Variants in OLFM2 observed in about 807,000 individuals in gnomAD.
The protein encoded by OLFM2 is olfactomedin 2.
OLFM2 carries 20 observed loss-of-function variants against 43.9 expected under a neutral mutation model. That is an observed-to-expected ratio of 0.46 (90% CI 0.32 to 0.66). The LOEUF (loss-of-function observed/expected upper bound fraction) is 0.66. Among genes scored for constraint, OLFM2 ranks in the 30% least tolerant of loss-of-function variants. The pLI, the probability that OLFM2 is intolerant of heterozygous loss-of-function variation, is 0.04. For synonymous variants in OLFM2, 268 were observed against 278.6 expected, an observed-to-expected ratio of 0.96 and a Z score of 0.38; for missense variants, 416 against 643.6, an observed-to-expected ratio of 0.65 and a Z score of 3.83.
At chr19:9,859,303 A>G (rs57789039) in intron 2 of OLFM2, among the ~76,000 whole-genome samples, 18,789 of 114,430 alleles carry the variant, frequency 0.16, 1,349 homozygotes, top group African/African-American at 0.26. Flanking sequence ...ACAATTTGTA[A>G]GTTTTATTTA....
chr19:9,891,316 A>G (rs1465013988), intron 1 of OLFM2, among the ~76,000 whole-genome samples: 24 of 34,812 alleles, frequency 6.9e-4, no homozygotes, highest in Middle Eastern at 0.018. Context: ...CCATCTCGGA[A>G]AAAAAAAAAA....
intron 1 of OLFM2, among the ~76,000 whole-genome samples, chr19:9,871,795 C>T (rs1029454378): frequency 2.0e-5 from 3 of 152,166 alleles, no homozygotes; most frequent in African/African-American, 4.8e-5. Context: ...CACAGGGGAG[C>T]GGGGAGTTTT....
chr19:9,888,214 T>A (rs1389672795), intron 1 of OLFM2, among the ~76,000 whole-genome samples: 1 of 152,000 alleles, frequency 6.6e-6, no homozygotes, highest in East Asian at 1.9e-4. Context: ...TACTGAAATG[T>A]CATTGTCTCA....
At chr19:9,858,275 C>G in intron 2 of OLFM2, 2 of 305,902 alleles carry the variant, frequency 6.5e-6, no homozygotes, top group South Asian at 5.6e-5. Flanking sequence ...CTCACAGACT[C>G]TAAGCTCCTT....
chr19:9,936,224 C>T (rs942193327), intron 1 of OLFM2, 80 bp downstream of exon 1: 54 of 1,456,848 alleles, frequency 3.7e-5, no homozygotes, highest in Non-Finnish European at 4.4e-5. Context: ...AGCCTCCCAA[C>T]CCCGTTTCTC....
rs558906590 is a variant in OLFM2 at position 9,879,697 on chromosome 19, C to T, written c.64-18903G>A. On this transcript the variant is annotated intron_variant, in intron 1 of 5. Coordinates refer to ENST00000264833, the MANE Select transcript of OLFM2 (RefSeq NM_058164.4). ...CTGGGACTCCAGGTGTGCGCCACCA[C>T]GCCTGGCTAAGTTTTTTAATTTTTA... 4.6e-5 allele frequency among the ~76,000 whole-genome samples: 7 copies of T among 152,238 alleles called. 1 individual carries two copies. The highest frequency in any genetic ancestry group is 9.6e-5 in the African/African-American group (4 of 41,548).
chr19:9,857,022 AGGG>A lies in OLFM2; in HGVS notation c.581-112_581-110del. 1 of 997,234 alleles carries A rather than the reference AGGG, an allele frequency of 1.0e-6. No homozygotes were observed. Among genetic ancestry groups the A allele is most frequent in the South Asian group, 1.5e-5 (1 of 68,958 alleles). 61.8% of individuals were successfully genotyped at this position (997,234 alleles called of 1,614,324 possible). ...GTTGGGAAAGCTGGGACCAGGGATG[AGGG>A]AAGACTCAAAAATCTGGTCCCAATA... On this transcript the variant is annotated intron_variant, in intron 4 of 5. Coordinates refer to ENST00000264833, the MANE Select transcript of OLFM2 (RefSeq NM_058164.4). The surrounding 1 kb of genome is among the most constrained non-coding windows in gnomAD (Gnocchi z 5.7).
Position 9,854,039 on chromosome 19 carries a change from TAGGC to T in OLFM2, c.*143_*146del. The T allele has an allele frequency of 3.0e-6, 2 of 664,856 alleles. No homozygotes were observed. The highest frequency in any genetic ancestry group is 5.1e-6 in the Non-Finnish European group (2 of 389,048). 41.2% of individuals were successfully genotyped at this position (664,856 alleles called of 1,614,324 possible). A position where few individuals can be genotyped will look rare whatever the true frequency, so the allele number is the denominator to read the frequency against. On this transcript the variant is annotated 3_prime_UTR_variant, in exon 6 of 6. Transcript: ENST00000264833. This position sits in a 1 kb window ranked among gnomAD's most constrained non-coding sequence, Gnocchi z 9.5. ...AATTGAAAAAATAGACAGAAATACA[TAGGC>T]AGAGAACAAAAGCCCAGCAAAAAGG...
chr19:9,858,743 T>G (rs1009301559), intron 2 of OLFM2, among the ~76,000 whole-genome samples: 2 of 152,176 alleles, frequency 1.3e-5, no homozygotes, highest in African/African-American at 4.8e-5. Flanking sequence ...CTGGCTAAGG[T>G]AGACTCCCAT....
At chr19:9,903,692 C>A (rs2046759634) in intron 1 of OLFM2, among the ~76,000 whole-genome samples, 1 of 152,132 alleles carries the variant, frequency 6.6e-6, no homozygotes, top group South Asian at 2.1e-4. Context: ...GCTAATGGAG[C>A]CAGCCTTGGC....
chr19:9,885,382 A>T (rs1225974244), intron 1 of OLFM2, among the ~76,000 whole-genome samples: 1 of 152,208 alleles, frequency 6.6e-6, no homozygotes, highest in East Asian at 1.9e-4. Flanking sequence ...GGTGTCAGAC[A>T]TCCACGCTGT....
chr19:9,898,978 G>A (rs1211635265), intron 1 of OLFM2, among the ~76,000 whole-genome samples: 7 of 152,112 alleles, frequency 4.6e-5, no homozygotes, highest in African/African-American at 1.7e-4. Flanking sequence ...ACGGCAAATC[G>A]TCCAGCAGCT....
chr19:9,906,604 A>G (rs1305840637), intron 1 of OLFM2, among the ~76,000 whole-genome samples: 1 of 152,082 alleles, frequency 6.6e-6, no homozygotes. Context: ...GGAGATGCGG[A>G]AACTCAAATA....
At chr19:9,886,542 T>C (rs9304984) in intron 1 of OLFM2, among the ~76,000 whole-genome samples, 143,207 of 151,960 alleles carry the variant, frequency 0.94, 67,952 homozygotes, top group Non-Finnish European at 1. Context: ...ATTCACACCC[T>C]GGCACCGAGT....
intron 1 of OLFM2, among the ~76,000 whole-genome samples, chr19:9,889,828 G>C (rs2046622379): frequency 6.6e-6 from 1 of 152,120 alleles, no homozygotes; most frequent in African/African-American, 2.4e-5. Context: ...GATGGGGCTG[G>C]AGCTGCAGTT....
chr19:9,854,567 G>A lies in OLFM2; in HGVS notation c.984C>T (p.Asp328=), dbSNP rs200166801. 1.7e-4 allele frequency: 269 copies of A among 1,613,804 alleles called. No homozygotes were observed. The highest frequency in any genetic ancestry group is 1.1e-4 in the Non-Finnish European group (128 of 1,180,034). ...GGFSDMDFMV[D]ESGLWAVYTT... ...TGTACACAGCCCAGAGCCCGCTCTC[G>A]TCCACCATGAAGTCCATGTCGGAGA... Residue 328 remains aspartate, a synonymous_variant, in exon 6 of 6, where the codon GAC becomes GAT. Transcript: ENST00000264833. The surrounding 1 kb of genome is among the most constrained non-coding windows in gnomAD (Gnocchi z 9.5).
chr19:9,863,903 TC>T (rs2046382048), intron 1 of OLFM2, among the ~76,000 whole-genome samples: 1 of 152,264 alleles, frequency 6.6e-6, no homozygotes, highest in South Asian at 2.1e-4. Context: ...TGTACACCCT[TC>T]CTAAATGGGG....
chr19:9,860,644 CCTT>C lies in OLFM2; in HGVS notation c.211_213del (p.Lys71del). Reference sequence around the variant, plus strand: ...CCCCAGGGTACCTGGAAGGTTCTCACCTTCTCCATCAGTTGCCGCAGCTCCCGA... The same window carrying C: ...CCCCAGGGTACCTGGAAGGTTCTCACCTCCATCAGTTGCCGCAGCTCCCGA... On this transcript the variant is annotated inframe_deletion and splice_region_variant, in exon 2 of 6. Coordinates refer to ENST00000264833, the MANE Select transcript of OLFM2 (RefSeq NM_058164.4). The C allele has an allele frequency of 6.3e-7, 1 of 1,580,552 alleles. No homozygotes were observed. The highest frequency in any genetic ancestry group is 8.6e-7 in the Non-Finnish European group (1 of 1,162,352).
chr19:9,920,741 C>CAAAAAAAAAAAA (rs557455889), intron 1 of OLFM2, among the ~76,000 whole-genome samples: 6 of 126,642 alleles, frequency 4.7e-5, no homozygotes, highest in African/African-American at 1.4e-4. Context: ...ACTAAACATA[C>CAAAAAAAAAAAA]AAAAAAAAAA....
Sources: allele counts gnomAD v4.1 joint callset (sites outside exome capture counted in the v4.1 genomes callset), GRCh38; gene constraint gnomAD v4.1.1; non-coding constraint Gnocchi (gnomAD v3.1); transcripts MANE v1.5; gene names NCBI Gene and HGNC (gene_info 2026-07-23, HGNC 2026-07-21).